Variants in ERBB4 observed in about 807,000 individuals in gnomAD.
The protein encoded by ERBB4 is receptor tyrosine-protein kinase erbB-4.
A neutral mutation model predicts 158.0 loss-of-function variants in ERBB4; 42 were observed. The ratio of observed to expected loss-of-function variants is 0.27; its 90% CI spans 0.21 to 0.34. The LOEUF is 0.34. ERBB4 is among the 10% of genes least tolerant of loss of function. ERBB4 has a pLI of 1.00. For synonymous variants in ERBB4, 583 were observed against 558.7 expected (o/e 1.04, Z -0.61); for missense variants, 1,333 against 1,624.1 (o/e 0.82, Z 3.08).
chr2:211,818,189 A>T (rs1024580954), intron 3 of ERBB4, among the ~76,000 whole-genome samples: 2 of 152,128 alleles, frequency 1.3e-5, no homozygotes, highest in African/African-American at 4.8e-5. Context: ...CAGGATTTTT[A>T]TTTCAAGAGA....
chr2:211,965,669 A>G (rs936250007), intron 2 of ERBB4, among the ~76,000 whole-genome samples: 1 of 152,188 alleles, frequency 6.6e-6, no homozygotes, highest in Non-Finnish European at 1.5e-5. Flanking sequence ...ATAAAATAAA[A>G]TAGTAAAACA....
chr2:211,997,909 T>TCACA (rs1553530863), intron 2 of ERBB4, among the ~76,000 whole-genome samples: 3 of 150,566 alleles, frequency 2.0e-5, no homozygotes, highest in Admixed American at 6.6e-5. Flanking sequence ...CACACACACA[T>TCACA]CACACACACA....
At chr2:211,814,956 G>T (rs1018071881) in intron 3 of ERBB4, among the ~76,000 whole-genome samples, 1 of 152,154 alleles carries the variant, frequency 6.6e-6, no homozygotes, top group Non-Finnish European at 1.5e-5. Context: ...CACCACAGGT[G>T]CTGTGCCTAC....
chr2:212,118,957 T>A (rs1380631884), intron 2 of ERBB4, among the ~76,000 whole-genome samples: 6 of 151,968 alleles, frequency 3.9e-5, no homozygotes, highest in Non-Finnish European at 1.5e-5. Flanking sequence ...AATAATAGAG[T>A]ATTAATGTTA....
At chr2:212,065,210 C>A (rs748359907) in intron 2 of ERBB4, among the ~76,000 whole-genome samples, 1 of 151,852 alleles carries the variant, frequency 6.6e-6, no homozygotes, top group South Asian at 2.1e-4. Flanking sequence ...TTAGACAACC[C>A]CTTCCTGGAA....
At chr2:211,739,017 TTATCTC>T (rs1575076093) in intron 5 of ERBB4, among the ~76,000 whole-genome samples, 2 of 152,222 alleles carry the variant, frequency 1.3e-5, no homozygotes, top group African/African-American at 4.8e-5. Context: ...TCTGTAATTT[TTATCTC>T]TATATTTTTT....
At chr2:211,469,389 CAT>C (rs2064777186) in intron 20 of ERBB4, among the ~76,000 whole-genome samples, 1 of 152,112 alleles carries the variant, frequency 6.6e-6, no homozygotes, top group South Asian at 2.1e-4. Flanking sequence ...GGAAAGTTTT[CAT>C]AGTCTGGTGG....
intron 1 of ERBB4, among the ~76,000 whole-genome samples, chr2:212,253,191 G>T (rs544899760): frequency 6.6e-6 from 1 of 152,168 alleles, no homozygotes; most frequent in East Asian, 1.9e-4. Flanking sequence ...GGGGCTCCTT[G>T]ACTAACATGT....
At chr2:212,453,473 A>G (rs1688109929) in intron 1 of ERBB4, among the ~76,000 whole-genome samples, 1 of 152,192 alleles carries the variant, frequency 6.6e-6, no homozygotes, top group South Asian at 2.1e-4. Flanking sequence ...TCAACATTGC[A>G]CTTGTTAGGT....
In ERBB4 at chr2:211,376,525, A is replaced by C. The variant is rs2062475895; in HGVS notation, c.*7090T>G. On this transcript the variant is annotated 3_prime_UTR_variant, in exon 28 of 28. Coordinates refer to ENST00000342788, the MANE Select transcript of ERBB4 (RefSeq NM_005235.3). Reference sequence around the variant, plus strand: ...TGGCTTACCAGCAAGGTATTTTTGCACCCCAATCCTTTGAAGATACTTCAC... The same window carrying C: ...TGGCTTACCAGCAAGGTATTTTTGCCCCCCAATCCTTTGAAGATACTTCAC... 1 of 232,668 alleles carries C rather than the reference A, an allele frequency of 4.3e-6. No homozygotes were observed. The highest frequency in any genetic ancestry group is 8.5e-6 in the Non-Finnish European group (1 of 117,482). The allele number at this position is 232,668 out of a possible 1,614,324, so 14.4% of individuals were successfully genotyped here.
At chr2:211,688,923 T>A (rs1004851451) in intron 12 of ERBB4, among the ~76,000 whole-genome samples, 1 of 152,156 alleles carries the variant, frequency 6.6e-6, no homozygotes, top group Non-Finnish European at 1.5e-5. Flanking sequence ...TAACTCATAG[T>A]TTGCAGGTTT....
At position 211,763,914 on chromosome 2, in the gene ERBB4, A is replaced by AC. The variant is rs1553627661; in HGVS notation, c.557-13211_557-13210insG. On this transcript the variant is annotated intron_variant, in intron 4 of 27. Transcript: ENST00000342788. ...CGTGTGTATACACACACACACACACAAATATATGTATATGTCCAAGTCCTT... is the reference window on the plus strand; with the variant it reads ...CGTGTGTATACACACACACACACACACAATATATGTATATGTCCAAGTCCTT... 3.2e-3 allele frequency among the ~76,000 whole-genome samples: 491 copies of AC among 152,122 alleles called. 3 individuals are homozygous for AC. The highest frequency in any genetic ancestry group is 0.011 in the African/African-American group (459 of 41,494).
At chr2:212,362,758 A>C (rs897193361) in intron 1 of ERBB4, among the ~76,000 whole-genome samples, 1 of 151,322 alleles carries the variant, frequency 6.6e-6, no homozygotes, top group Admixed American at 6.6e-5. Flanking sequence ...TTGGTCTCAG[A>C]GTAGCAAAAA....
intron 1 of ERBB4, among the ~76,000 whole-genome samples, chr2:212,197,472 T>C (rs2082461720): frequency 6.6e-6 from 1 of 152,184 alleles, no homozygotes; most frequent in African/African-American, 2.4e-5. Context: ...GGTAATTTTA[T>C]TATCATTTTA....
At chr2:211,420,687 A>T in intron 24 of ERBB4, 76 bp from the exon 25 acceptor site, 1 of 1,250,954 alleles carries the variant, frequency 8.0e-7, no homozygotes, top group Non-Finnish European at 1.2e-6. Context: ...CAATAAATTT[A>T]TGTAATATCA....
chr2:212,392,164 T>C lies in ERBB4; in HGVS notation c.82+146285A>G, dbSNP rs74794703. Among the ~76,000 whole-genome samples the C allele has an allele frequency of 4.4e-4, 67 of 152,036 alleles. 1 individual carries two copies. The East Asian group carries it at 0.012, about 27-fold the overall frequency. ...AAAGGAAAGGCATCTCTGTTTCTCCTAATCCATAAGACTACTCAGAGTGAC... is the reference window on the plus strand; with the variant it reads ...AAAGGAAAGGCATCTCTGTTTCTCCCAATCCATAAGACTACTCAGAGTGAC... On this transcript the variant is annotated intron_variant, in intron 1 of 27. Transcript: ENST00000342788.
chr2:212,112,719 G>T (rs182027628), intron 2 of ERBB4, among the ~76,000 whole-genome samples: 1 of 152,194 alleles, frequency 6.6e-6, no homozygotes, highest in Non-Finnish European at 1.5e-5. Flanking sequence ...AGGAGTGGGA[G>T]ATGGTGTTAG....
chr2:212,042,055 G>C (rs1222950610), intron 2 of ERBB4, among the ~76,000 whole-genome samples: 1 of 151,622 alleles, frequency 6.6e-6, no homozygotes, highest in Non-Finnish European at 1.5e-5. Context: ...TTTTTCCTTC[G>C]GTTTGCTTTA....
chr2:211,420,669 G>A, intron 24 of ERBB4, 58 bp from the exon 25 acceptor site: 1 of 1,383,846 alleles, frequency 7.2e-7, no homozygotes, highest in Admixed American at 1.7e-5. Flanking sequence ...TTAAATATGT[G>A]GTCTCTGCAA....
Sources: gnomAD v4.1 joint callset for allele counts (sites outside exome capture counted in the v4.1 genomes callset) on GRCh38, gnomAD v4.1.1 for gene constraint, MANE v1.5 for transcripts, NCBI Gene and HGNC (gene_info 2026-07-23, HGNC 2026-07-21) for gene names.